Variants in KIF16B observed in about 807,000 individuals in gnomAD.
The protein encoded by KIF16B is kinesin-like protein KIF16B.
Under a neutral mutation model 156.3 loss-of-function variants are expected in KIF16B, and 98 were observed. The ratio of observed to expected loss-of-function variants is 0.63; its 90% CI spans 0.53 to 0.74. The LOEUF is 0.74. Ranked by LOEUF, KIF16B falls within the 30% of genes least tolerant of loss-of-function variation. The pLI is 0.00. For missense variants in KIF16B, 1,421 were observed against 1,606.5 expected (o/e 0.88, Z 1.97); for synonymous variants, 564 against 583.7 (o/e 0.97, Z 0.49).
chr20:16,494,404 T>C (rs2068387151), intron 11 of KIF16B, 54 bp from the exon 12 acceptor site: 3 of 1,205,496 alleles, frequency 2.5e-6, no homozygotes, highest in Admixed American at 4.6e-5. Context: ...TTTATAATTT[T>C]CTTCTAGTTT....
chr20:16,376,024 T>A (rs2064942460), intron 19 of KIF16B, among the ~76,000 whole-genome samples: 2 of 152,230 alleles, frequency 1.3e-5, no homozygotes, highest in South Asian at 4.1e-4. Context: ...ATACAACCAC[T>A]GCAGGCTTCA....
intron 12 of KIF16B, among the ~76,000 whole-genome samples, chr20:16,452,109 C>T (rs1391885001): frequency 6.6e-6 from 1 of 152,098 alleles, no homozygotes; most frequent in East Asian, 1.9e-4. Flanking sequence ...TATTCACCAA[C>T]AGGAGGAGAG....
At chr20:16,538,534 A>G (rs988705695) in intron 1 of KIF16B, among the ~76,000 whole-genome samples, 2 of 152,208 alleles carry the variant, frequency 1.3e-5, no homozygotes, top group Non-Finnish European at 2.9e-5. Context: ...TGGAAACTAG[A>G]TGATAAGATG....
In KIF16B at chr20:16,374,221, A is replaced by C. The variant is rs766798112; in HGVS notation, c.3350+36T>G. The C allele has an allele frequency of 7.3e-6, 11 of 1,507,022 alleles. No individual in the cohort carries two copies. The South Asian group carries it at 1.6e-4, about 21-fold the overall frequency. The allele number at this position is 1,507,022 out of a possible 1,614,324, so 93.4% of individuals were successfully genotyped here. A position where few individuals can be genotyped will look rare whatever the true frequency, so the allele number is the denominator to read the frequency against. On this transcript the variant is annotated intron_variant, in intron 20 of 25. Transcript: ENST00000354981. ...AAACAATGAGTCCTTGAGTCACATCAAATGAGAAGCCTGGAATCACTTTCA... is the reference window on the plus strand; with the variant it reads ...AAACAATGAGTCCTTGAGTCACATCCAATGAGAAGCCTGGAATCACTTTCA...
At chr20:16,463,752 C>T (rs2067413065) in intron 12 of KIF16B, among the ~76,000 whole-genome samples, 1 of 152,170 alleles carries the variant, frequency 6.6e-6, no homozygotes, top group Non-Finnish European at 1.5e-5. Context: ...ATTCTAATGA[C>T]TGGATAACAG....
chr20:16,406,494 G>A (rs1442660682), intron 15 of KIF16B, 38 bp from the exon 16 acceptor site: 2 of 1,570,550 alleles, frequency 1.3e-6, no homozygotes, highest in Admixed American at 3.3e-5. Context: ...TTTACAGTAA[G>A]CAGTCTGGTC....
In KIF16B at chr20:16,472,235, C is replaced by T. The variant is rs78091235; in HGVS notation, c.1302+22056G>A. ...AGTCATTGTGAAGGATCATACAGCC[C>T]GCAGGGCCTAAAATATTTACTATCT... is the stretch of plus-strand genomic sequence containing the variant. On this transcript the variant is annotated intron_variant, in intron 12 of 25. Transcript: ENST00000354981. Among the ~76,000 whole-genome samples the T allele has an allele frequency of 6.0e-3, 920 of 152,290 alleles. 15 individuals carry two copies. The highest frequency in any genetic ancestry group is 0.021 in the African/African-American group (864 of 41,560).
chr20:16,562,408 G>T (rs6135797), intron 1 of KIF16B, among the ~76,000 whole-genome samples: 1 of 152,008 alleles, frequency 6.6e-6, no homozygotes, highest in Admixed American at 6.5e-5. Flanking sequence ...CTCTTGCTCA[G>T]CCCTCCGTCA....
intron 24 of KIF16B, among the ~76,000 whole-genome samples, chr20:16,322,055 C>A (rs1568848550): frequency 6.6e-6 from 1 of 151,896 alleles, no homozygotes; most frequent in East Asian, 1.9e-4. Flanking sequence ...GAGTAAAACA[C>A]AGGAAACAAA....
intron 17 of KIF16B, among the ~76,000 whole-genome samples, chr20:16,384,511 G>C (rs1023892952): frequency 6.6e-6 from 1 of 152,204 alleles, no homozygotes; most frequent in African/African-American, 2.4e-5. Context: ...ACAGAAGCTG[G>C]ACAGTGAAGA....
chr20:16,571,973 C>T (rs2071472936), intron 1 of KIF16B, among the ~76,000 whole-genome samples: 1 of 152,126 alleles, frequency 6.6e-6, no homozygotes, highest in Non-Finnish European at 1.5e-5. Context: ...AGCATGTGTT[C>T]ACCTTTTTCC....
At chr20:16,426,930 T>C (rs2066368846) in intron 15 of KIF16B, among the ~76,000 whole-genome samples, 174 bp downstream of exon 15, 1 of 152,110 alleles carries the variant, frequency 6.6e-6, no homozygotes, top group Non-Finnish European at 1.5e-5. Context: ...ATGGGTATTA[T>C]AAAATAAGCC....
chr20:16,447,236 C>G (rs1006394554), intron 12 of KIF16B, among the ~76,000 whole-genome samples: 1 of 152,006 alleles, frequency 6.6e-6, no homozygotes, highest in African/African-American at 2.4e-5. Flanking sequence ...AAAAACTCTA[C>G]TCTTAAGTTA....
At chr20:16,483,177 C>T (rs1056491144) in intron 12 of KIF16B, among the ~76,000 whole-genome samples, 2 of 152,156 alleles carry the variant, frequency 1.3e-5, no homozygotes, top group African/African-American at 2.4e-5. Flanking sequence ...TGAGGGTAGA[C>T]AGCCTGAGGA....
At chr20:16,557,449 G>A (rs2070892783) in intron 1 of KIF16B, among the ~76,000 whole-genome samples, 1 of 152,046 alleles carries the variant, frequency 6.6e-6, no homozygotes, top group East Asian at 1.9e-4. Flanking sequence ...CAAAGTGCTG[G>A]GATTACAGGC....
intron 15 of KIF16B, among the ~76,000 whole-genome samples, chr20:16,420,349 A>G (rs2066195181): frequency 6.6e-6 from 1 of 152,110 alleles, no homozygotes; most frequent in South Asian, 2.1e-4. Context: ...AATTTAGATA[A>G]ATCTCCGATT....
At position 16,273,047 on chromosome 20, in the gene KIF16B, G is replaced by C. The variant is rs1601459028; in HGVS notation, c.*206C>G. The C allele has an allele frequency of 1.8e-6, 1 of 567,498 alleles. No homozygotes were observed. The highest frequency in any genetic ancestry group is 3.2e-6 in the Non-Finnish European group (1 of 317,090). 35.2% of individuals were successfully genotyped at this position (567,498 alleles called of 1,614,324 possible). On this transcript the variant is annotated 3_prime_UTR_variant, in exon 26 of 26. Coordinates refer to ENST00000354981, the MANE Select transcript of KIF16B (RefSeq NM_024704.5). The stretch of plus-strand genomic sequence containing the variant: ...CGCAATGGAACGGTAACGGCTGCCT[G>C]TCAGGGCCACATCAGCAGGCAGAGC...
chr20:16,311,010 A>T (rs966668800), intron 25 of KIF16B, among the ~76,000 whole-genome samples: 1 of 152,194 alleles, frequency 6.6e-6, no homozygotes, highest in Non-Finnish European at 1.5e-5. Context: ...CAGCCTCTAG[A>T]TATTTCCCTA....
intron 2 of KIF16B, among the ~76,000 whole-genome samples, chr20:16,527,656 A>C (rs973870235): frequency 3.6e-4 from 55 of 152,166 alleles, no homozygotes; most frequent in Admixed American, 3.1e-3. Flanking sequence ...GGCTCACTGT[A>C]GCCTTGATCT....
Sources: allele counts gnomAD v4.1 joint callset (sites outside exome capture counted in the v4.1 genomes callset), GRCh38; gene constraint gnomAD v4.1.1; transcripts MANE v1.5; gene names NCBI Gene and HGNC (gene_info 2026-07-23, HGNC 2026-07-21).